CUX1: variants seen among roughly 807,000 people sequenced by gnomAD.
CUX1 encodes cut like homeobox 1.
A neutral mutation model predicts 158.8 loss-of-function variants in CUX1; 31 were observed. The observed-to-expected ratio is 0.20, with a 90% CI of 0.15 to 0.26. The LOEUF is 0.26. Ranked by LOEUF, CUX1 falls within the 10% of genes least tolerant of loss-of-function variation. The pLI is 1.00. For missense variants in CUX1, 1,589 were observed against 2,014.6 expected (o/e 0.79, Z 4.04); for synonymous variants, 879 against 862.1 (o/e 1.02, Z -0.34).
In CUX1 at chr7:101,883,915, A is replaced by G. The variant is rs114844536; in HGVS notation, c.31-32200A>G. On this transcript the variant is annotated intron_variant, in intron 1 of 23. Transcript: ENST00000292535. ...CCGGCCCAAATTATTATTATTTTTT[A>G]TAAGATAGGATCTTATCACACAGGC... is the stretch of plus-strand genomic sequence containing the variant. Among the ~76,000 whole-genome samples the G allele has an allele frequency of 7.8e-3, 1,186 of 151,602 alleles. 18 individuals carry two copies. Among genetic ancestry groups the G allele is most frequent in the African/African-American group, 0.028 (1,137 of 41,282 alleles).
intron 2 of CUX1, among the ~76,000 whole-genome samples, chr7:101,945,606 A>C (rs1359280790): frequency 6.6e-6 from 1 of 152,160 alleles, no homozygotes; most frequent in Non-Finnish European, 1.5e-5. Flanking sequence ...ACCCAGTGGG[A>C]CATCCTGAGA....
chr7:101,994,934 A>G (rs1340707536), intron 2 of CUX1, among the ~76,000 whole-genome samples: 1 of 149,310 alleles, frequency 6.7e-6, no homozygotes, highest in African/African-American at 2.4e-5. Context: ...TACAAAAAAA[A>G]AAAAAAAAAA....
At chr7:101,906,026 A>C (rs1221410505) in intron 1 of CUX1, among the ~76,000 whole-genome samples, 1 of 149,396 alleles carries the variant, frequency 6.7e-6, no homozygotes, top group Non-Finnish European at 1.5e-5. Flanking sequence ...GGGTGTTACT[A>C]TGTGGCCCAA....
chr7:102,197,380 G>A (rs997469395), intron 15 of CUX1, 75 bp downstream of exon 15: 52 of 1,454,608 alleles, frequency 3.6e-5, no homozygotes, highest in Middle Eastern at 1.8e-4. Context: ...GCATGCGTGC[G>A]TGTGTCTGTG....
intron 4 of CUX1, among the ~76,000 whole-genome samples, chr7:102,087,164 T>A (rs1339159037): frequency 6.6e-6 from 1 of 152,236 alleles, no homozygotes; most frequent in Non-Finnish European, 1.5e-5. Context: ...TCTTACTTTT[T>A]CTATTTGTCT....
chr7:102,161,343 A>C (rs1432806246), intron 9 of CUX1: 2 of 152,126 alleles, frequency 1.3e-5, no homozygotes, highest in Non-Finnish European at 2.9e-5. Flanking sequence ...GTGAGACCCT[A>C]TCTCAAAAAA....
chr7:101,983,079 A>G (rs967160240), intron 2 of CUX1, among the ~76,000 whole-genome samples: 7 of 152,190 alleles, frequency 4.6e-5, no homozygotes, highest in African/African-American at 1.4e-4. Flanking sequence ...CTCAACAGGA[A>G]GGAATATTAT....
At chr7:102,247,056 T>C (rs1800885405) in intron 23 of CUX1, among the ~76,000 whole-genome samples, 1 of 152,110 alleles carries the variant, frequency 6.6e-6, no homozygotes, top group South Asian at 2.1e-4. Flanking sequence ...AATTTAGGCA[T>C]GGTGGTATAC....
At chr7:102,216,808 C>CCA (rs1223701810) in intron 20 of CUX1, among the ~76,000 whole-genome samples, 1 of 44,896 alleles carries the variant, frequency 2.2e-5, no homozygotes, top group African/African-American at 5.0e-5. Context: ...ACACACACCC[C>CCA]CACACACACT....
At chr7:101,889,796 C>T (rs1187768564) in intron 1 of CUX1, among the ~76,000 whole-genome samples, 2 of 152,090 alleles carry the variant, frequency 1.3e-5, no homozygotes, top group Non-Finnish European at 2.9e-5. Flanking sequence ...CAAATAAATA[C>T]ATCTGGTGCA....
intron 1 of CUX1, among the ~76,000 whole-genome samples, chr7:101,825,647 T>A (rs1268753735): frequency 6.6e-6 from 1 of 152,202 alleles, no homozygotes; most frequent in African/African-American, 2.4e-5. Context: ...TATGGTTGAA[T>A]GTCATTGTCA....
rs1029895632 is a variant in CUX1, at chr7:101,976,150, A to G, written c.142-51948A>G. 3.3e-5 allele frequency among the ~76,000 whole-genome samples: 5 copies of G among 152,324 alleles called. No individual in the cohort carries two copies. In the East Asian group the frequency reaches 9.6e-4, roughly 29 times the overall value. ...CCATCTCTAAAACAAACAAAAAACC[A>G]CAGTATGAATTAATTATTTCTCTCT... On this transcript the variant is annotated intron_variant, in intron 2 of 23. Coordinates refer to ENST00000292535, the MANE Select transcript of CUX1 (RefSeq NM_181552.4).
chr7:102,186,383 G>T (rs1466416306), intron 11 of CUX1, among the ~76,000 whole-genome samples: 2 of 151,984 alleles, frequency 1.3e-5, no homozygotes, highest in African/African-American at 4.8e-5. Context: ...AGAGATCTTG[G>T]GGACTTCCTA....
chr7:102,043,131 T>G (rs1223683048), intron 3 of CUX1, among the ~76,000 whole-genome samples: 5 of 152,024 alleles, frequency 3.3e-5, no homozygotes, highest in Non-Finnish European at 7.4e-5. Context: ...TTTTATTTTT[T>G]GTAGAGACGA....
intron 1 of CUX1, among the ~76,000 whole-genome samples, chr7:101,902,763 C>T (rs1326834193): frequency 1.3e-5 from 2 of 152,158 alleles, no homozygotes; most frequent in African/African-American, 4.8e-5. Context: ...AATATCTTAG[C>T]CATCAACTGC....
chr7:101,936,066 A>G (rs974106374), intron 2 of CUX1, among the ~76,000 whole-genome samples: 2 of 152,208 alleles, frequency 1.3e-5, no homozygotes, highest in African/African-American at 4.8e-5. Context: ...AGGCTGCAGC[A>G]GTGAGCAGAA....
intron 10 of CUX1, among the ~76,000 whole-genome samples, chr7:102,176,200 T>TC (rs1392403197): frequency 3.3e-5 from 5 of 152,206 alleles, no homozygotes; most frequent in Non-Finnish European, 5.9e-5. Context: ...GGCCTCATTT[T>TC]CCCCGAGGGA....
chr7:101,929,301 A>C (rs1380819983), intron 2 of CUX1, among the ~76,000 whole-genome samples: 2 of 152,228 alleles, frequency 1.3e-5, no homozygotes. Context: ...GCCTTCTTCC[A>C]TATGTGTCTA....
intron 3 of CUX1, among the ~76,000 whole-genome samples, chr7:102,039,978 G>A (rs1470662126): frequency 1.3e-5 from 2 of 152,014 alleles, no homozygotes; most frequent in African/African-American, 4.8e-5. Flanking sequence ...CGCTGGCCAC[G>A]TTCAGAGCTG....
Sources: allele counts gnomAD v4.1 joint callset (sites outside exome capture counted in the v4.1 genomes callset), GRCh38; gene constraint gnomAD v4.1.1; transcripts MANE v1.5; gene names NCBI Gene and HGNC (gene_info 2026-07-23, HGNC 2026-07-21).